The following FAM135A variants were observed in gnomAD, a reference collection of about 807,000 sequenced individuals.
The protein encoded by FAM135A is family with sequence similarity 135 member A, also known as protein FAM135A.
In FAM135A, 79 loss-of-function variants were observed where a neutral mutation model predicts 146.8. That is an observed-to-expected ratio of 0.54 (90% CI 0.45 to 0.65). The LOEUF (loss-of-function observed/expected upper bound fraction) is 0.65, where lower values mean the gene tolerates loss of function less well. Among genes scored for constraint, FAM135A ranks in the 30% least tolerant of loss-of-function variants. The pLI is 0.00. For missense variants in FAM135A, 1,623 were observed against 1,758.2 expected (o/e 0.92, Z 1.38); for synonymous variants, 562 against 603.6 (o/e 0.93, Z 1.01).
At chr6:70,419,276 G>A (rs1242810332) in intron 2 of FAM135A, among the ~76,000 whole-genome samples, 2 of 152,114 alleles carry the variant, frequency 1.3e-5, no homozygotes, top group East Asian at 3.9e-4. Flanking sequence ...AAAATTAGCT[G>A]GGCGTGGTGG....
At chr6:70,530,616 G>A (rs1582791520) in intron 16 of FAM135A, among the ~76,000 whole-genome samples, 6 of 152,042 alleles carry the variant, frequency 3.9e-5, no homozygotes, top group Admixed American at 3.9e-4. Flanking sequence ...GCCAGGCATG[G>A]TGCTGGCCAG....
At chr6:70,539,350 A>G (rs531927018) in intron 20 of FAM135A, among the ~76,000 whole-genome samples, 196 of 152,292 alleles carry the variant, frequency 1.3e-3, no homozygotes, top group Non-Finnish European at 2.2e-3. Flanking sequence ...TAAGCCATAC[A>G]ATCTCTTTGC....
At chr6:70,460,652 T>C (rs1365335510) in intron 5 of FAM135A, among the ~76,000 whole-genome samples, 1 of 152,148 alleles carries the variant, frequency 6.6e-6, no homozygotes, top group Non-Finnish European at 1.5e-5. Flanking sequence ...TGTGGATCAC[T>C]GTTAGATAGC....
chr6:70,446,274 A>T (rs1164972066), intron 4 of FAM135A, among the ~76,000 whole-genome samples: 1 of 152,210 alleles, frequency 6.6e-6, no homozygotes, highest in Middle Eastern at 3.2e-3. Context: ...CTTCTACAAC[A>T]GGCCATATCA....
intron 4 of FAM135A, among the ~76,000 whole-genome samples, chr6:70,445,980 A>G (rs1775627369): frequency 6.6e-6 from 1 of 152,250 alleles, no homozygotes; most frequent in African/African-American, 2.4e-5. Flanking sequence ...AAAGACAAAC[A>G]ACACAGATTA....
At chr6:70,493,217 TATG>T (rs1158417570) in intron 11 of FAM135A, among the ~76,000 whole-genome samples, 1 of 152,074 alleles carries the variant, frequency 6.6e-6, no homozygotes, top group African/African-American at 2.4e-5. Context: ...ATATGAATAA[TATG>T]ATTTCATATA....
At chr6:70,453,812 C>G (rs1308834732) in intron 5 of FAM135A, among the ~76,000 whole-genome samples, 1 of 152,172 alleles carries the variant, frequency 6.6e-6, no homozygotes, top group Non-Finnish European at 1.5e-5. Flanking sequence ...TCCAGTCTAT[C>G]ATTGATGTTC....
At chr6:70,435,098 TATATATA>T (rs1283359297) in intron 4 of FAM135A, among the ~76,000 whole-genome samples, 2 of 119,174 alleles carry the variant, frequency 1.7e-5, no homozygotes, top group Admixed American at 8.4e-5. Flanking sequence ...TATATATATA[TATATATA>T]TATATTTTTT....
intron 20 of FAM135A, among the ~76,000 whole-genome samples, chr6:70,545,751 T>C (rs1798742132): frequency 6.6e-6 from 1 of 152,208 alleles, no homozygotes; most frequent in Non-Finnish European, 1.5e-5. Context: ...ACATACATAT[T>C]AGCTTATTTA....
At chr6:70,478,961 A>G (rs907860736) in intron 8 of FAM135A, among the ~76,000 whole-genome samples, 2 of 152,094 alleles carry the variant, frequency 1.3e-5, no homozygotes, top group African/African-American at 4.8e-5. Context: ...AATATACAGT[A>G]TTGCTTTTAT....
intron 20 of FAM135A, among the ~76,000 whole-genome samples, chr6:70,543,333 G>C (rs1224723963): frequency 6.6e-6 from 1 of 152,050 alleles, no homozygotes; most frequent in Admixed American, 6.6e-5. Flanking sequence ...GATATTAATA[G>C]ATTTAGTTAT....
At chr6:70,435,017 G>C (rs1198383346) in intron 4 of FAM135A, among the ~76,000 whole-genome samples, 3 of 149,652 alleles carry the variant, frequency 2.0e-5, no homozygotes, top group Non-Finnish European at 4.4e-5. Context: ...TTATGATTTG[G>C]AAATGGAGGA....
intron 12 of FAM135A, among the ~76,000 whole-genome samples, chr6:70,511,673 T>C (rs1791025670): frequency 6.6e-6 from 1 of 151,948 alleles, no homozygotes; most frequent in Admixed American, 6.6e-5. Context: ...TGTTACTTAA[T>C]GATTAGGATA....
rs1411751933 is a variant in FAM135A, at chr6:70,526,408, G to A, written c.3324G>A (p.Leu1108=). The A allele has an allele frequency of 6.2e-7, 1 of 1,613,458 alleles. No homozygotes were observed. The highest frequency in any genetic ancestry group is 1.7e-5 in the Admixed American group (1 of 59,950). ...ATGAAGAAACAGATTATTCAGCTTT[G>A]GATGGAACAATAAATGCTCACTATA... The part of the protein sequence containing the change: ...GYYEETDYSA[L]DGTINAHYTS... Residue 1108 remains leucine (L), a synonymous_variant, in exon 15 of 22, where the codon TTG becomes TTA. Coordinates refer to ENST00000418814, the MANE Select transcript of FAM135A (RefSeq NM_001162529.3).
chr6:70,449,139 T>A (rs150252144), intron 4 of FAM135A, among the ~76,000 whole-genome samples: 227 of 152,162 alleles, frequency 1.5e-3, no homozygotes, highest in African/African-American at 5.0e-3. Context: ...TATTTTAAAA[T>A]TTTTTTTGAC....
intron 10 of FAM135A, chr6:70,486,160 T>C (rs1303626041): frequency 6.2e-7 from 1 of 1,613,440 alleles, no homozygotes; most frequent in South Asian, 1.1e-5. Context: ...GCAATCCTTA[T>C]GACTAGCCAA....
chr6:70,508,330 G>A (rs559471186), intron 12 of FAM135A, among the ~76,000 whole-genome samples: 1 of 152,284 alleles, frequency 6.6e-6, no homozygotes, highest in African/African-American at 2.4e-5. Context: ...AGAGACACAT[G>A]AAGAATTGTC....
chr6:70,489,749 G>T (rs1426404331), intron 10 of FAM135A, among the ~76,000 whole-genome samples: 1 of 152,138 alleles, frequency 6.6e-6, no homozygotes, highest in Non-Finnish European at 1.5e-5. Context: ...CTCTGTAGTT[G>T]TACATGCTAG....
chr6:70,453,272 A>G (rs1777535961), intron 5 of FAM135A, among the ~76,000 whole-genome samples: 1 of 152,232 alleles, frequency 6.6e-6, no homozygotes. Context: ...ATAATAAAAT[A>G]CACCTAACAC....
Sources: gnomAD v4.1 joint callset for allele counts (sites outside exome capture counted in the v4.1 genomes callset) on GRCh38, gnomAD v4.1.1 for gene constraint, MANE v1.5 for transcripts, NCBI Gene and HGNC (gene_info 2026-07-23, HGNC 2026-07-21) for gene names.